Variants in IRGQ observed in about 807,000 individuals in gnomAD.
IRGQ encodes the protein immunity-related GTPase family Q protein.
In IRGQ, 5 loss-of-function variants were observed where a neutral mutation model predicts 10.5. The ratio of observed to expected loss-of-function variants is 0.48; its 90% CI spans 0.25 to 1.00. IRGQ has a LOEUF of 1.00. IRGQ is among the 50% of genes least tolerant of loss of function. IRGQ has a pLI of 0.16. For synonymous variants in IRGQ, 418 were observed against 426.0 expected, an observed-to-expected ratio of 0.98 and a Z score of 0.23; for missense variants, 792 against 877.7, an observed-to-expected ratio of 0.90 and a Z score of 1.23.
At position 43,592,776 on chromosome 19, in the gene IRGQ, G is replaced by A. The variant is rs755832653; in HGVS notation, c.1122C>T (p.Ser374=). The A allele has an allele frequency of 1.2e-5, 19 of 1,613,502 alleles. No individual in the cohort carries two copies. The highest frequency in any genetic ancestry group is 2.7e-5 in the African/African-American group (2 of 74,926). Residue 374 remains serine (S), a synonymous_variant, in exon 3 of 3, where the codon AGC becomes AGT. Transcript: ENST00000422989. ...NALSKGREKC[S]AGSQKAGSGE... Reference sequence around the variant, plus strand: ...CGCTGCCTGCTTTCTGCGATCCAGCGCTACATTTCTCCCTTCCCTTACTGA... The same window carrying A: ...CGCTGCCTGCTTTCTGCGATCCAGCACTACATTTCTCCCTTCCCTTACTGA...
chr19:43,592,266 G>A lies in IRGQ; in HGVS notation c.1632C>T (p.Arg544=), dbSNP rs769675942. ...GCGTCACCGGGCCTGGGAAATGAGC[G>A]CGCGCTGCCAGCTCTCCAGAAGCCA... ...LGLASGELAA[R]AHFPGPVTRA... The change falls in exon 3 of 3, where the codon CGC becomes CGT. Residue 544 remains arginine (R), a synonymous_variant. Transcript: ENST00000422989. 6 of 1,575,066 alleles carry A rather than the reference G, an allele frequency of 3.8e-6. No individual in the cohort carries two copies. The South Asian group carries it at 4.5e-5, about 12-fold the overall frequency.
Position 43,592,692 on chromosome 19 carries a change from T to C in IRGQ, c.1206A>G (p.Lys402=). 1 of 1,608,512 alleles carries C rather than the reference T, an allele frequency of 6.2e-7. No homozygotes were observed. The highest frequency in any genetic ancestry group is 1.1e-5 in the South Asian group (1 of 91,084). The change falls in exon 3 of 3, where the codon AAA becomes AAG. Residue 402 remains lysine (K), a synonymous_variant. Coordinates refer to ENST00000422989, the MANE Select transcript of IRGQ (RefSeq NM_001007561.3). ...CCCGCTCTGAGTCGCCACCACCTGATTTCTTCATGCCGACAACCTGCTGCA... is the reference window on the plus strand; with the variant it reads ...CCCGCTCTGAGTCGCCACCACCTGACTTCTTCATGCCGACAACCTGCTGCA... The part of the protein sequence containing the change: ...EGLQQVVGMK[K]SGGGDSERAA...
At position 43,593,087 on chromosome 19, in the gene IRGQ, T is replaced by C; in HGVS notation, c.811A>G (p.Asn271Asp). The C allele has an allele frequency of 6.3e-7, 1 of 1,590,414 alleles. No homozygotes were observed. The highest frequency in any genetic ancestry group is 8.6e-7 in the Non-Finnish European group (1 of 1,164,098). ...AGAGGCACGGTCCAGAGCACCACAT[T>C]CGGGCGCTCTGGGGCTGGGAAGGGA... ...PTPFPAPERP[N>D]VVLWTVPLGH... The change falls in exon 3 of 3, where the codon AAT becomes GAT. Residue 271 changes from asparagine (N) to aspartate (D), a missense_variant. Physicochemically the swap from Asn to Asp is conservative, Grantham distance 23 (BLOSUM62 1). Coordinates refer to ENST00000422989, the MANE Select transcript of IRGQ (RefSeq NM_001007561.3). This position sits in a 1 kb window ranked among gnomAD's most constrained non-coding sequence, Gnocchi z 6.4.
rs928229314 is a variant in IRGQ at position 43,593,786 on chromosome 19, A to C, written c.531-419T>G. On this transcript the variant is annotated intron_variant, in intron 2 of 2. Coordinates refer to ENST00000422989, the MANE Select transcript of IRGQ (RefSeq NM_001007561.3). This position sits in a 1 kb window ranked among gnomAD's most constrained non-coding sequence, Gnocchi z 6.4. ...CTAAACACAAGTCCAGCACTATTTGAGACAAGGTCCCCAAGGGCACTCTTT... is the reference window on the plus strand; with the variant it reads ...CTAAACACAAGTCCAGCACTATTTGCGACAAGGTCCCCAAGGGCACTCTTT... Among the ~76,000 whole-genome samples, 4 of 152,130 alleles carry C rather than the reference A, an allele frequency of 2.6e-5. No individual in the cohort carries two copies. The highest frequency in any genetic ancestry group is 9.7e-5 in the African/African-American group (4 of 41,424).
Position 43,595,454 on chromosome 19 carries a change from T to C in IRGQ, c.-2-114A>G, listed in dbSNP as rs1973123941. 25 of 977,572 alleles carry C rather than the reference T, an allele frequency of 2.6e-5. No homozygotes were observed. In the South Asian group the frequency reaches 4.6e-4, roughly 18 times the overall value. The allele number at this position is 977,572 out of a possible 1,614,324, so 60.6% of individuals were successfully genotyped here. A position where few individuals can be genotyped will look rare whatever the true frequency, so the allele number is the denominator to read the frequency against. Reference sequence around the variant, plus strand: ...TCCTTCACCCTGTCCCCTTCGGTTCTTGAGTGTCACTCTCCAGGACCTAAA... The same window carrying C: ...TCCTTCACCCTGTCCCCTTCGGTTCCTGAGTGTCACTCTCCAGGACCTAAA... On this transcript the variant is annotated intron_variant, in intron 1 of 2. Transcript: ENST00000422989.
Position 43,589,002 on chromosome 19 carries a change from G to A in IRGQ, c.*3024C>T, listed in dbSNP as rs1243786861. 2.0e-5 allele frequency: 3 copies of A among 152,216 alleles called. No individual in the cohort carries two copies. The highest frequency in any genetic ancestry group is 4.4e-5 in the Non-Finnish European group (3 of 68,044). 9.4% of individuals were successfully genotyped at this position (152,216 alleles called of 1,614,324 possible). A position where few individuals can be genotyped will look rare whatever the true frequency, so the allele number is the denominator to read the frequency against. On this transcript the variant is annotated 3_prime_UTR_variant, in exon 3 of 3. Transcript: ENST00000422989. ...TTGTCAGCAGTGGGAGTCCAAGCTG[G>A]AGATGATGGTACCATCCCTTGTCTG...
In IRGQ at chr19:43,590,929, A is replaced by T. The variant is rs1352596740; in HGVS notation, c.*1097T>A. 1.3e-5 allele frequency: 2 copies of T among 151,752 alleles called. No individual in the cohort carries two copies. The highest frequency in any genetic ancestry group is 2.9e-5 in the Non-Finnish European group (2 of 67,942). 9.4% of individuals were successfully genotyped at this position (151,752 alleles called of 1,614,324 possible). ...TTTACTGCCCTTCCACACCCAAAAG[A>T]CCTCATTCCTGGTCCCTGGCTACTC... On this transcript the variant is annotated 3_prime_UTR_variant, in exon 3 of 3. Transcript: ENST00000422989.
In IRGQ at chr19:43,595,624, G is replaced by A. The variant is rs910847144; in HGVS notation, c.-2-284C>T. 10 of 286,192 alleles carry A rather than the reference G, an allele frequency of 3.5e-5. No homozygotes were observed. In the Admixed American group the frequency reaches 4.1e-4, roughly 12 times the overall value. The allele number at this position is 286,192 out of a possible 1,614,324, so 17.7% of individuals were successfully genotyped here. ...CATGCCTGTAATCCCAGTGCTTTGG[G>A]AGGCCGAGGCCGGAGGATCGCTTGA... On this transcript the variant is annotated intron_variant, in intron 1 of 2. Transcript: ENST00000422989.
intron 1 of IRGQ, 67 bp from the exon 2 acceptor site, chr19:43,595,407 C>T: frequency 7.0e-7 from 1 of 1,424,990 alleles, no homozygotes. Flanking sequence ...CCTAGCCGCC[C>T]CACTCGGAAC....
chr19:43,594,336 T>G (rs1973099297), intron 2 of IRGQ, among the ~76,000 whole-genome samples: 1 of 152,138 alleles, frequency 6.6e-6, no homozygotes, highest in Non-Finnish European at 1.5e-5. Context: ...TCTAGGGCTT[T>G]GGGAAGCCTG....
rs763778952 is a variant in IRGQ at position 43,592,884 on chromosome 19, C to T, written c.1014G>A (p.Pro338=). ...CCATCTTGCCTTCTCCCAGACACTC[C>T]GGATCCTCGCCCTCGCCGTCTGTGC... ...CVRTDGEGED[P]ECLGEGKMEN... Residue 338 remains proline, a synonymous_variant, in exon 3 of 3, where the codon CCG becomes CCA. Transcript: ENST00000422989. 1.3e-5 allele frequency: 21 copies of T among 1,613,572 alleles called. No individual in the cohort carries two copies. The highest frequency in any genetic ancestry group is 1.5e-5 in the Non-Finnish European group (18 of 1,180,030).
rs1459346832 is a variant in IRGQ at position 43,589,162 on chromosome 19, A to G, written c.*2864T>C. On this transcript the variant is annotated 3_prime_UTR_variant, in exon 3 of 3. Transcript: ENST00000422989. The stretch of plus-strand genomic sequence containing the variant: ...AAGTAACACACAGTGACAGTGGCAA[A>G]GTCGTGCTTGCTTCCCAGGTCCCTG... The G allele has an allele frequency of 6.6e-6, 1 of 152,272 alleles. No individual in the cohort carries two copies. Among genetic ancestry groups the G allele is most frequent in the East Asian group, 1.9e-4 (1 of 5,204 alleles). The allele number at this position is 152,272 out of a possible 1,614,324, so 9.4% of individuals were successfully genotyped here. A position where few individuals can be genotyped will look rare whatever the true frequency, so the allele number is the denominator to read the frequency against.
Position 43,593,485 on chromosome 19 carries a change from A to G in IRGQ, c.531-118T>C, listed in dbSNP as rs1211341117. On this transcript the variant is annotated intron_variant, in intron 2 of 2. Coordinates refer to ENST00000422989, the MANE Select transcript of IRGQ (RefSeq NM_001007561.3). The surrounding 1 kb of genome is among the most constrained non-coding windows in gnomAD (Gnocchi z 6.4). ...ATCCCAGAATGGGGCAGGGGTAGGAAAGGGAAGGGCCAGACTGATGGCACA... is the reference window on the plus strand; with the variant it reads ...ATCCCAGAATGGGGCAGGGGTAGGAGAGGGAAGGGCCAGACTGATGGCACA... 6 of 1,074,876 alleles carry G rather than the reference A, an allele frequency of 5.6e-6. No individual in the cohort carries two copies. Among genetic ancestry groups the G allele is most frequent in the Non-Finnish European group, 7.5e-6 (6 of 799,592 alleles). 66.6% of individuals were successfully genotyped at this position (1,074,876 alleles called of 1,614,324 possible).
rs1176082279 is a variant in IRGQ, at chr19:43,590,441, T to C, written c.*1585A>G. ...TGTAACCTGCAACTTTTCCCCCACA[T>C]GTGGCTAGCAGCCTAGAACATTCCA... is the stretch of plus-strand genomic sequence containing the variant. On this transcript the variant is annotated 3_prime_UTR_variant, in exon 3 of 3. Transcript: ENST00000422989. The C allele has an allele frequency of 6.6e-6, 1 of 152,242 alleles. No individual in the cohort carries two copies. The highest frequency in any genetic ancestry group is 6.5e-5 in the Admixed American group (1 of 15,280). 9.4% of individuals were successfully genotyped at this position (152,242 alleles called of 1,614,324 possible).
In IRGQ at chr19:43,592,481, T is replaced by C. The variant is rs1279972693; in HGVS notation, c.1417A>G (p.Lys473Glu). 1 of 1,592,698 alleles carries C rather than the reference T, an allele frequency of 6.3e-7. No homozygotes were observed. Among genetic ancestry groups the C allele is most frequent in the African/African-American group, 1.3e-5 (1 of 74,712 alleles). Reference sequence around the variant, plus strand: ...GCCCCGGCTCGCAACGCCGCAGCCTTGGTTCGGGCAGCGCTGGGAGATGCT... The same window carrying C: ...GCCCCGGCTCGCAACGCCGCAGCCTCGGTTCGGGCAGCGCTGGGAGATGCT... ...PPASPSAART[K>E]AAALRAGAWR... The change falls in exon 3 of 3, where the codon AAG becomes GAG. Residue 473 changes from lysine to glutamate, a missense_variant. Coordinates refer to ENST00000422989, the MANE Select transcript of IRGQ (RefSeq NM_001007561.3).
intron 2 of IRGQ, 123 bp downstream of exon 2, chr19:43,594,680 AAAAAAT>A: frequency 1.5e-6 from 1 of 687,972 alleles, no homozygotes; most frequent in Non-Finnish European, 2.2e-6. Flanking sequence ...AGGAAAAAAA[AAAAAAT>A]AATAATAATA....
Position 43,594,970 on chromosome 19 carries a change from A to G in IRGQ, c.369T>C (p.Thr123=). 6.2e-7 allele frequency: 1 copy of G among 1,613,946 alleles called. No individual in the cohort carries two copies. The highest frequency in any genetic ancestry group is 8.5e-7 in the Non-Finnish European group (1 of 1,179,934). Residue 123 remains threonine, a synonymous_variant, in exon 2 of 3, where the codon ACT becomes ACC. Transcript: ENST00000422989. The stretch of plus-strand genomic sequence containing the variant: ...CTGTCTGATCACGGGCCTGGGCGGC[A>G]GTCTGTGAATCCCCAGGACGGAGGT... ...VRNLRPGDSQ[T]AAQARDQTAA...
chr19:43,592,486 C>T lies in IRGQ; in HGVS notation c.1412G>A (p.Arg471Gln), dbSNP rs1973071444. 6.3e-7 allele frequency: 1 copy of T among 1,593,090 alleles called. No homozygotes were observed. Among genetic ancestry groups the T allele is most frequent in the South Asian group, 1.1e-5 (1 of 90,566 alleles). The change falls in exon 3 of 3, where the codon CGA (arginine) becomes CAA (glutamine). Residue 471 changes from arginine (R) to glutamine (Q), a missense_variant. Coordinates refer to ENST00000422989, the MANE Select transcript of IRGQ (RefSeq NM_001007561.3). ...ALPPASPSAA[R>Q]TKAAALRAGA... ...GGCTCGCAACGCCGCAGCCTTGGTT[C>T]GGGCAGCGCTGGGAGATGCTGGTGG...
Position 43,592,625 on chromosome 19 carries a change from C to T in IRGQ, c.1273G>A (p.Glu425Lys). The T allele has an allele frequency of 6.2e-7, 1 of 1,602,648 alleles. No homozygotes were observed. The highest frequency in any genetic ancestry group is 8.5e-7 in the Non-Finnish European group (1 of 1,179,920). ...SPEDETWEVL[E>K]EAPPPVFPLR... ...GGGAACACTGGCGGCGGCGCCTCCT[C>T]CAGCACCTCCCACGTCTCGTCCTCC... is the stretch of plus-strand genomic sequence containing the variant. Residue 425 changes from glutamate to lysine, a missense_variant, in exon 3 of 3, where the codon GAG becomes AAG. Glu to Lys is a moderately conservative substitution (Grantham distance 56, BLOSUM62 1). Transcript: ENST00000422989.
Sources: gnomAD v4.1 joint callset for allele counts (sites outside exome capture counted in the v4.1 genomes callset) on GRCh38, gnomAD v4.1.1 for gene constraint, Gnocchi (gnomAD v3.1) non-coding constraint, MANE v1.5 for transcripts, NCBI Gene and HGNC (gene_info 2026-07-23, HGNC 2026-07-21) for gene names.